BMAL1: variants seen among roughly 807,000 people sequenced by gnomAD.
BMAL1 encodes basic helix-loop-helix ARNT-like protein 1.
the BMAL1 span, among the ~76,000 whole-genome samples, chr11:13,334,045 A>T: frequency 6.6e-6 from 1 of 152,154 alleles, no homozygotes; most frequent in Admixed American, 6.5e-5. Flanking sequence ...GCACTGTTCT[A>T]AGCTCCGTAC....
At chr11:13,324,692 T>A in the BMAL1 span, among the ~76,000 whole-genome samples, 1 of 152,244 alleles carries the variant, frequency 6.6e-6, no homozygotes. Flanking sequence ...GGACCTGGTC[T>A]TATCTATTGC....
At chr11:13,381,318 G>T in the BMAL1 span, 2 of 1,522,482 alleles carry the variant, frequency 1.3e-6, no homozygotes, top group Admixed American at 1.7e-5. Flanking sequence ...AATGTTGGGG[G>T]TGGGAGTATG....
At chr11:13,362,851 C>T in the BMAL1 span, among the ~76,000 whole-genome samples, 8 of 152,128 alleles carry the variant, frequency 5.3e-5, no homozygotes, top group South Asian at 6.2e-4. Flanking sequence ...ATCTTGAAAA[C>T]GTAATTTTTG....
the BMAL1 span, among the ~76,000 whole-genome samples, chr11:13,284,146 G>A: frequency 0.031 from 1,881 of 60,960 alleles, 258 homozygotes; most frequent in African/African-American, 0.13. Context: ...ATATATATGT[G>A]TATATATATA....
chr11:13,335,997 A>AAG, the BMAL1 span, among the ~76,000 whole-genome samples: 1 of 151,800 alleles, frequency 6.6e-6, no homozygotes, highest in Non-Finnish European at 1.5e-5. Flanking sequence ...ATGAAAGAGC[A>AAG]AGAGAGAGAG....
the BMAL1 span, among the ~76,000 whole-genome samples, chr11:13,313,475 C>T: frequency 3.3e-3 from 496 of 152,232 alleles, 3 homozygotes; most frequent in African/African-American, 0.011. Context: ...GTGCCACATG[C>T]GTCTTTCTCC....
the BMAL1 span, among the ~76,000 whole-genome samples, chr11:13,322,344 A>G: frequency 6.6e-6 from 1 of 152,106 alleles, no homozygotes; most frequent in East Asian, 1.9e-4. Context: ...GAGATACTCA[A>G]CTCTTAGATT....
chr11:13,385,810 C>T, the BMAL1 span: 82 of 1,570,898 alleles, frequency 5.2e-5, no homozygotes, highest in Admixed American at 9.4e-4. Flanking sequence ...CATCATTATT[C>T]GTTTCCATTG....
the BMAL1 span, chr11:13,360,250 G>T: frequency 9.2e-7 from 1 of 1,089,102 alleles, no homozygotes; most frequent in Non-Finnish European, 1.4e-6. Flanking sequence ...AGGTCATAGA[G>T]ACTAGGCCAC....
the BMAL1 span, chr11:13,385,678 T>G: frequency 1.9e-6 from 3 of 1,591,910 alleles, no homozygotes; most frequent in Non-Finnish European, 2.6e-6. Context: ...CTTCCCTCCT[T>G]TTGTTTGTAG....
chr11:13,322,635 A>G, the BMAL1 span, among the ~76,000 whole-genome samples: 5 of 152,174 alleles, frequency 3.3e-5, no homozygotes, highest in African/African-American at 1.2e-4. Flanking sequence ...AGAAGCTTAC[A>G]GGGAGGAAAG....
the BMAL1 span, among the ~76,000 whole-genome samples, chr11:13,290,024 C>G: frequency 1.3e-5 from 2 of 152,210 alleles, no homozygotes; most frequent in South Asian, 4.1e-4. Context: ...TCCTATTTCT[C>G]CACATCCTCT....
the BMAL1 span, chr11:13,376,778 G>A: frequency 1.3e-6 from 2 of 1,561,842 alleles, no homozygotes; most frequent in Non-Finnish European, 1.7e-6. Context: ...GAAGGTGCTT[G>A]TGGTCAAATA....
chr11:13,378,495 G>A, the BMAL1 span: 17 of 1,568,006 alleles, frequency 1.1e-5, no homozygotes, highest in East Asian at 2.8e-4. Flanking sequence ...TCTCAACCCA[G>A]GGAAATTTTT....
At chr11:13,365,262 ATAAT>A in the BMAL1 span, among the ~76,000 whole-genome samples, 2 of 148,940 alleles carry the variant, frequency 1.3e-5, no homozygotes, top group Non-Finnish European at 3.0e-5. Flanking sequence ...TCTTCCTATA[ATAAT>A]TAGATGATAT....
At chr11:13,380,392 C>G in the BMAL1 span, 1 of 152,146 alleles carries the variant, frequency 6.6e-6, no homozygotes, top group Non-Finnish European at 1.5e-5. Context: ...AGCTGAGAGT[C>G]CTGTGGTTAC....
chr11:13,302,441 A>G, the BMAL1 span, among the ~76,000 whole-genome samples: 1 of 152,128 alleles, frequency 6.6e-6, no homozygotes, highest in Admixed American at 6.5e-5. Context: ...TGGCACTGCT[A>G]ATTTGGCAAA....
the BMAL1 span, among the ~76,000 whole-genome samples, chr11:13,337,281 T>G: frequency 6.6e-6 from 1 of 152,206 alleles, no homozygotes; most frequent in Admixed American, 6.5e-5. Context: ...AATTTTTTTT[T>G]GTCTTTTTTC....
At chr11:13,354,487 G>T in the BMAL1 span, 2 of 1,602,516 alleles carry the variant, frequency 1.2e-6, no homozygotes, top group African/African-American at 1.3e-5. Context: ...TGTTAAACTT[G>T]GTGTCAGTTC....
Sources: gnomAD v4.1 joint callset for allele counts (sites outside exome capture counted in the v4.1 genomes callset) on GRCh38, gnomAD v4.1.1 for gene constraint, MANE v1.5 for transcripts, NCBI Gene and HGNC (gene_info 2026-07-23, HGNC 2026-07-21) for gene names.